The following MMP12 variants were observed in gnomAD, a reference collection of about 807,000 sequenced individuals.
The protein encoded by MMP12 is matrix metallopeptidase 12.
In MMP12, 51 loss-of-function variants were observed where a neutral mutation model predicts 45.2. The ratio of observed to expected loss-of-function variants is 1.13; its 90% CI spans 0.90 to 1.42. The LOEUF (loss-of-function observed/expected upper bound fraction) is 1.42, where lower values mean the gene tolerates loss of function less well. Among genes scored for constraint, MMP12 ranks in the 40% most tolerant of loss-of-function variants. MMP12 has a pLI of 0.00. For missense variants in MMP12, 530 were observed against 570.8 expected (o/e 0.93, Z 0.73); for synonymous variants, 210 against 193.3 (o/e 1.09, Z -0.72).
At chr11:102,868,571 C>T (rs560644111) in intron 4 of MMP12, among the ~76,000 whole-genome samples, 12 of 152,240 alleles carry the variant, frequency 7.9e-5, no homozygotes, top group East Asian at 7.7e-4. Flanking sequence ...ATCGTCTTTT[C>T]GTAAGCCCAA....
chr11:102,864,834 T>C (rs1422317720), intron 8 of MMP12, among the ~76,000 whole-genome samples: 1 of 152,246 alleles, frequency 6.6e-6, no homozygotes, highest in African/African-American at 2.4e-5. Flanking sequence ...ACTGTTATCT[T>C]GTGTTTATCA....
rs1565232568 is a variant in MMP12, at chr11:102,865,989, A to G, written c.1046-54T>C. On this transcript the variant is annotated intron_variant, in intron 7 of 9. Transcript: ENST00000571244. The surrounding 1 kb of genome is among the most constrained non-coding windows in gnomAD (Gnocchi z 4.1). ...TGAATTATACAGGAAGAGTAATAAG[A>G]AAATATTGATTTACTATAAACAACA... 8 of 1,353,566 alleles carry G rather than the reference A, an allele frequency of 5.9e-6. No individual in the cohort carries two copies. Among genetic ancestry groups the G allele is most frequent in the Non-Finnish European group, 8.2e-6 (8 of 978,000 alleles). The allele number at this position is 1,353,566 out of a possible 1,614,324, so 83.8% of individuals were successfully genotyped here. A position where few individuals can be genotyped will look rare whatever the true frequency, so the allele number is the denominator to read the frequency against.
intron 4 of MMP12, 124 bp downstream of exon 4, chr11:102,871,470 A>G (rs1294361386): frequency 9.8e-6 from 12 of 1,223,366 alleles, no homozygotes; most frequent in African/African-American, 3.1e-5. Flanking sequence ...AAGATTTTCC[A>G]TCATATAATC....
chr11:102,874,765 A>AAACC (rs1859563039), intron 1 of MMP12, 71 bp downstream of exon 1: 1 of 979,290 alleles, frequency 1.0e-6, no homozygotes, highest in African/African-American at 1.7e-5. Context: ...ACAAACAAAC[A>AAACC]AACTGGTTAA....
At position 102,869,190 on chromosome 11, in the gene MMP12, A is replaced by G. The variant is rs12283006; in HGVS notation, c.626-1121T>C. 1.4e-3 allele frequency among the ~76,000 whole-genome samples: 208 copies of G among 152,282 alleles called. 1 individual carries two copies. Among genetic ancestry groups the G allele is most frequent in the African/African-American group, 4.8e-3 (199 of 41,570 alleles). ...TTCTATGACAAAATTGTAGTTCAGAAGAACTGACTTGCCCAGAGTCACACG... is the reference window on the plus strand; with the variant it reads ...TTCTATGACAAAATTGTAGTTCAGAGGAACTGACTTGCCCAGAGTCACACG... On this transcript the variant is annotated intron_variant, in intron 4 of 9. Coordinates refer to ENST00000571244, the MANE Select transcript of MMP12 (RefSeq NM_002426.6).
chr11:102,868,107 A>G lies in MMP12; in HGVS notation c.626-38T>C, dbSNP rs782512434. ...CAACCAAAAGACAGCTGTGAAATGC[A>G]TTATCATCTTGGACAAGAACACAAT... On this transcript the variant is annotated intron_variant, in intron 4 of 9. Coordinates refer to ENST00000571244, the MANE Select transcript of MMP12 (RefSeq NM_002426.6). 1.4e-5 allele frequency: 21 copies of G among 1,507,158 alleles called. No homozygotes were observed. The South Asian group carries it at 1.7e-4, about 12-fold the overall frequency. 93.4% of individuals were successfully genotyped at this position (1,507,158 alleles called of 1,614,324 possible).
chr11:102,873,062 T>C lies in MMP12; in HGVS notation c.153A>G (p.Thr51=). ...YGLEINKLPV[T]KMKYSGNLMK... ...TTAAGTTTCCACTATATTTCATTTT[T>C]GTCACTGGAAGTTTGTTTATCTCAA... is the stretch of plus-strand genomic sequence containing the variant. Residue 51 remains threonine (T), a synonymous_variant, in exon 2 of 10, where the codon ACA becomes ACG. Coordinates refer to ENST00000571244, the MANE Select transcript of MMP12 (RefSeq NM_002426.6). 2 of 1,613,304 alleles carry C rather than the reference T, an allele frequency of 1.2e-6. No individual in the cohort carries two copies. Among genetic ancestry groups the C allele is most frequent in the Non-Finnish European group, 1.7e-6 (2 of 1,179,506 alleles).
At position 102,871,693 on chromosome 11, in the gene MMP12, C is replaced by T; in HGVS notation, c.526G>A (p.Gly176Ser). Residue 176 changes from glycine to serine, a missense_variant, in exon 4 of 10, where the codon GGC becomes AGC. Transcript: ENST00000571244. Reference protein sequence around the residue: ...GAHGDFHAFDGKGGILAHAFG... With the variant: ...GAHGDFHAFDSKGGILAHAFG... ...GCATGGGCTAGGATTCCACCTTTGC[C>T]ATCAAAAGCATGGAAGTCTCCATGA... 1 of 1,608,254 alleles carries T rather than the reference C, an allele frequency of 6.2e-7. No homozygotes were observed. Among genetic ancestry groups the T allele is most frequent in the Non-Finnish European group, 8.5e-7 (1 of 1,177,022 alleles).
At chr11:102,869,231 G>A (rs544580802) in intron 4 of MMP12, among the ~76,000 whole-genome samples, 34 of 152,140 alleles carry the variant, frequency 2.2e-4, no homozygotes, top group African/African-American at 7.7e-4. Flanking sequence ...TAGCTGCAGA[G>A]CCTGGCCTTG....
At chr11:102,871,547 T>C (rs1555009314) in intron 4 of MMP12, 47 bp downstream of exon 4, 1 of 1,544,146 alleles carries the variant, frequency 6.5e-7, no homozygotes, top group Admixed American at 2.0e-5. Flanking sequence ...TGTTTTCCTT[T>C]CCTGTTTGCT....
At chr11:102,864,409 G>A (rs644552) in intron 8 of MMP12, among the ~76,000 whole-genome samples, 157 bp from the exon 9 acceptor site, 20,235 of 152,172 alleles carry the variant, frequency 0.13, 2,313 homozygotes, top group African/African-American at 0.31. Flanking sequence ...GATTTCCTCT[G>A]AGTCCCTATA....
At chr11:102,869,855 G>A (rs1404408731) in intron 4 of MMP12, among the ~76,000 whole-genome samples, 7 of 152,092 alleles carry the variant, frequency 4.6e-5, no homozygotes, top group Non-Finnish European at 1.0e-4. Flanking sequence ...GGAGGCGAAG[G>A]TTGCAGTGAG....
Position 102,873,077 on chromosome 11 carries a change from GTTTATC to G in MMP12, c.132_137del (p.Glu44_Asn46delinsAsp). On this transcript the variant is annotated inframe_deletion, in exon 2 of 10. Coordinates refer to ENST00000571244, the MANE Select transcript of MMP12 (RefSeq NM_002426.6). ...ATTTCATTTTTGTCACTGGAAGTTTGTTTATCTCAAGGCCATAAAATTTTTCTAAGT... is the reference window on the plus strand; with the variant it reads ...ATTTCATTTTTGTCACTGGAAGTTTGTCAAGGCCATAAAATTTTTCTAAGT... 6.2e-7 allele frequency: 1 copy of G among 1,612,782 alleles called. No homozygotes were observed. Among genetic ancestry groups the G allele is most frequent in the Non-Finnish European group, 8.5e-7 (1 of 1,179,310 alleles).
At position 102,869,955 on chromosome 11, in the gene MMP12, A is replaced by C. The variant is rs1195630299; in HGVS notation, c.625+1639T>G. 2.0e-5 allele frequency among the ~76,000 whole-genome samples: 3 copies of C among 152,126 alleles called. No individual in the cohort carries two copies. The South Asian group carries it at 6.2e-4, about 32-fold the overall frequency. On this transcript the variant is annotated intron_variant, in intron 4 of 9. Transcript: ENST00000571244. ...ATAACAGCAACAACAACAACAACAA[A>C]AACGGCTGAAAATAAGCATTTTAAG...
Position 102,873,101 on chromosome 11 carries a change from T to G in MMP12, c.114A>C (p.Glu38Asp). 1.2e-6 allele frequency: 2 copies of G among 1,611,902 alleles called. No individual in the cohort carries two copies. Among genetic ancestry groups the G allele is most frequent in the Non-Finnish European group, 1.7e-6 (2 of 1,179,078 alleles). Residue 38 changes from glutamate (E) to aspartate (D), a missense_variant, in exon 2 of 10, where the codon GAA becomes GAC. Coordinates refer to ENST00000571244, the MANE Select transcript of MMP12 (RefSeq NM_002426.6). ...NNVLFGERYL[E>D]KFYGLEINKL... The stretch of plus-strand genomic sequence containing the variant: ...TGTTTATCTCAAGGCCATAAAATTT[T>G]TCTAAGTATCTCTGGAAAAAAAAAT...
At position 102,868,012 on chromosome 11, in the gene MMP12, T is replaced by A. The variant is rs1859426632; in HGVS notation, c.683A>T (p.His228Leu). Reference protein sequence around the residue: ...HEIGHSLGLGHSSDPKAVMFP... With the variant: ...HEIGHSLGLGLSSDPKAVMFP... ...CATTACGGCCTTTGGATCACTAGAA[T>A]GGCCAAGACCTAAGGAATGGCCAAT... The change falls in exon 5 of 10, where the codon CAT (histidine) becomes CTT (leucine). Residue 228 changes from histidine to leucine, a missense_variant. Physicochemically the swap from His to Leu is moderately conservative, Grantham distance 99. Coordinates refer to ENST00000571244, the MANE Select transcript of MMP12 (RefSeq NM_002426.6). 4 of 1,605,494 alleles carry A rather than the reference T, an allele frequency of 2.5e-6. No individual in the cohort carries two copies. The highest frequency in any genetic ancestry group is 3.4e-6 in the Non-Finnish European group (4 of 1,176,070).
intron 7 of MMP12, 121 bp from the exon 8 acceptor site, chr11:102,866,056 C>A (rs556591211): frequency 4.5e-6 from 4 of 892,198 alleles, no homozygotes; most frequent in South Asian, 2.1e-5. Flanking sequence ...GCTTATTGAT[C>A]TTAAACATAG....
chr11:102,868,996 A>G (rs1555009022), intron 4 of MMP12, among the ~76,000 whole-genome samples: 1 of 152,140 alleles, frequency 6.6e-6, no homozygotes, highest in Non-Finnish European at 1.5e-5. Flanking sequence ...TTTGAGTCCC[A>G]TAAGAAATCC....
At chr11:102,870,466 C>T (rs1859473115) in intron 4 of MMP12, among the ~76,000 whole-genome samples, 1 of 152,152 alleles carries the variant, frequency 6.6e-6, no homozygotes, top group African/African-American at 2.4e-5. Context: ...AAAGTATTGC[C>T]ATCCAACTTG....
Sources: gnomAD v4.1 joint callset for allele counts (sites outside exome capture counted in the v4.1 genomes callset) on GRCh38, gnomAD v4.1.1 for gene constraint, Gnocchi (gnomAD v3.1) non-coding constraint, MANE v1.5 for transcripts, NCBI Gene and HGNC (gene_info 2026-07-23, HGNC 2026-07-21) for gene names.